ZNF362: variants seen among roughly 807,000 people sequenced by gnomAD.
ZNF362 encodes the protein zinc finger protein 362.
ZNF362 carries 11 observed loss-of-function variants against 42.9 expected under a neutral mutation model. The ratio of observed to expected loss-of-function variants is 0.26; its 90% CI spans 0.16 to 0.42. The LOEUF is 0.42. ZNF362 is among the 20% of genes least tolerant of loss of function. The probability of loss-of-function intolerance (pLI) is 1.00; values close to 1 mark genes in which losing one functional copy is unlikely to be tolerated. For missense variants in ZNF362, 362 were observed against 576.2 expected (o/e 0.63, Z 3.81); for synonymous variants, 255 against 257.3 (o/e 0.99, Z 0.09).
At chr1:33,198,295 C>T in the ZNF362 span, among the ~76,000 whole-genome samples, 1 of 151,892 alleles carries the variant, frequency 6.6e-6, no homozygotes, top group African/African-American at 2.4e-5. Context: ...TATTTGAGCC[C>T]AGTAGTTCAA....
the ZNF362 span, among the ~76,000 whole-genome samples, chr1:33,236,550 A>AAAAAAAAAAAAAAATATAT: frequency 1.7e-4 from 1 of 5,978 alleles, no homozygotes; most frequent in African/African-American, 3.9e-4. Flanking sequence ...AAAAAAAAAA[A>AAAAAAAAAAAAAAATATAT]ATATATATAT....
In ZNF362 at chr1:33,287,504, C is replaced by A. The variant is rs1646041568; in HGVS notation, c.908+5693C>A. 2.6e-5 allele frequency among the ~76,000 whole-genome samples: 4 copies of A among 152,238 alleles called. 1 individual carries two copies. The highest frequency in any genetic ancestry group is 2.6e-4 in the Admixed American group (4 of 15,292). ...CTAAACAAACAAACAACAAACAAACCAACCATTGTTTTGGGAGGAAGTTAA... is the reference window on the plus strand; with the variant it reads ...CTAAACAAACAAACAACAAACAAACAAACCATTGTTTTGGGAGGAAGTTAA... On this transcript the variant is annotated intron_variant, in intron 6 of 8. Transcript: ENST00000539719.
the ZNF362 span, among the ~76,000 whole-genome samples, chr1:33,229,657 GGC>G: frequency 6.6e-6 from 1 of 151,782 alleles, no homozygotes; most frequent in African/African-American, 2.4e-5. Context: ...TGCCTGTCTT[GGC>G]CTCTCAAAGC....
chr1:33,222,930 A>G, the ZNF362 span, among the ~76,000 whole-genome samples: 1 of 152,110 alleles, frequency 6.6e-6, no homozygotes, highest in African/African-American at 2.4e-5. Flanking sequence ...AGAGTGAATA[A>G]GTCTCATGAG....
the ZNF362 span, among the ~76,000 whole-genome samples, chr1:33,197,322 C>T: frequency 5.3e-5 from 8 of 152,272 alleles, no homozygotes; most frequent in South Asian, 2.1e-4. Flanking sequence ...GCCTTGTAAT[C>T]GTGTGAGCCA....
At chr1:33,265,434 G>C (rs1255104275) in intron 1 of ZNF362, among the ~76,000 whole-genome samples, 1 of 152,058 alleles carries the variant, frequency 6.6e-6, no homozygotes, top group African/African-American at 2.4e-5. Flanking sequence ...AATGAAAACA[G>C]CCCTTCCCAG....
At chr1:33,173,477 A>G in the ZNF362 span, among the ~76,000 whole-genome samples, 32 of 152,234 alleles carry the variant, frequency 2.1e-4, no homozygotes, top group Admixed American at 1.2e-3. Flanking sequence ...TCAAGCATTC[A>G]AAGCCCTTCC....
chr1:33,270,620 GC>G lies in ZNF362; in HGVS notation c.38+10del. The G allele has an allele frequency of 6.2e-7, 1 of 1,612,978 alleles. No homozygotes were observed. Among genetic ancestry groups the G allele is most frequent in the Non-Finnish European group, 8.5e-7 (1 of 1,179,542 alleles). On this transcript the variant is annotated intron_variant, in intron 2 of 8. Transcript: ENST00000539719. The stretch of plus-strand genomic sequence containing the variant: ...TGGGAAAGGACACTCTAGGTAAGGA[GC>G]CTGTGATTCCAGGTTGCACTCTGTC...
At position 33,299,676 on chromosome 1, in the gene ZNF362, CGA is replaced by C; in HGVS notation, c.*634_*635del. On this transcript the variant is annotated 3_prime_UTR_variant, in exon 9 of 9. Transcript: ENST00000539719. ...GTGCGGCAGCTTCAGGAGGCAGAAA[CGA>C]GAGGGGTGGGAGATCCACAGGACCA... 1 of 150,988 alleles carries C rather than the reference CGA, an allele frequency of 6.6e-6. No individual in the cohort carries two copies. The allele number at this position is 150,988 out of a possible 1,614,324, so 9.4% of individuals were successfully genotyped here. A position where few individuals can be genotyped will look rare whatever the true frequency, so the allele number is the denominator to read the frequency against.
intron 1 of ZNF362, among the ~76,000 whole-genome samples, chr1:33,263,435 G>C (rs191223833): frequency 1.3e-5 from 2 of 151,162 alleles, no homozygotes; most frequent in Admixed American, 1.3e-4. Flanking sequence ...TTTTGAGATG[G>C]AGTCTCGCTC....
Position 33,295,311 on chromosome 1 carries a change from T to C in ZNF362, c.1146+6T>C, listed in dbSNP as rs1364121913. The stretch of plus-strand genomic sequence containing the variant: ...GTGGGCGGGCCTACACCTCGGTGAG[T>C]GCCGGTCGGCCTGTGCCCTGCCCCG... On this transcript the variant is annotated splice_donor_region_variant and intron_variant, in intron 8 of 8. Transcript: ENST00000539719. The C allele has an allele frequency of 3.7e-6, 6 of 1,613,248 alleles. No individual in the cohort carries two copies. The highest frequency in any genetic ancestry group is 5.1e-6 in the Non-Finnish European group (6 of 1,179,648).
In ZNF362 at chr1:33,298,198, G is replaced by A. The variant is rs1011109360; in HGVS notation, c.1147-732G>A. ...GGTGCCTCAGGTCAGATCCAGCAGA[G>A]CCAGTGGAGGACATGATAGTACCCA... On this transcript the variant is annotated intron_variant, in intron 8 of 8. Coordinates refer to ENST00000539719, the MANE Select transcript of ZNF362 (RefSeq NM_152493.3). Among the ~76,000 whole-genome samples, 7 of 152,126 alleles carry A rather than the reference G, an allele frequency of 4.6e-5. No homozygotes were observed. In the East Asian group the frequency reaches 1.4e-3, roughly 29 times the overall value.
At chr1:33,216,058 G>A in the ZNF362 span, among the ~76,000 whole-genome samples, 1 of 147,694 alleles carries the variant, frequency 6.8e-6, no homozygotes, top group African/African-American at 2.5e-5. Flanking sequence ...TTAACTCTAA[G>A]ACCAGTGCTG....
At chr1:33,230,578 C>T in the ZNF362 span, among the ~76,000 whole-genome samples, 4 of 152,212 alleles carry the variant, frequency 2.6e-5, no homozygotes, top group African/African-American at 9.6e-5. Context: ...TAAGTGTTCG[C>T]ACGTGCAGAC....
intron 6 of ZNF362, among the ~76,000 whole-genome samples, chr1:33,292,478 T>C (rs1161462374): frequency 5.9e-5 from 9 of 152,232 alleles, no homozygotes; most frequent in Non-Finnish European, 1.3e-4. Flanking sequence ...GCCAGTATTG[T>C]ATTGAGGATT....
At chr1:33,193,708 GGATTATA>G in the ZNF362 span, among the ~76,000 whole-genome samples, 300 of 152,228 alleles carry the variant, frequency 2.0e-3, 2 homozygotes, top group Non-Finnish European at 2.9e-3. Flanking sequence ...ACACAAAGGG[GGATTATA>G]GAACAAATAC....
chr1:33,254,131 GT>G (rs1168816102), upstream of ZNF362, among the ~76,000 whole-genome samples: 1,410 of 39,200 alleles, frequency 0.036, 18 homozygotes, highest in African/African-American at 0.067. Flanking sequence ...TAGTTCGTCT[GT>G]TTTTTTTTTT....
upstream of ZNF362, among the ~76,000 whole-genome samples, chr1:33,252,970 T>C (rs1376898230): frequency 6.6e-6 from 1 of 151,796 alleles, no homozygotes; most frequent in Non-Finnish European, 1.5e-5. Context: ...TGCATCGTGA[T>C]GAGTGTGTTG....
chr1:33,276,285 C>A, intron 3 of ZNF362, 63 bp from the exon 4 acceptor site: 1 of 1,546,898 alleles, frequency 6.5e-7, no homozygotes, highest in South Asian at 1.2e-5. Context: ...GGTGGACCAG[C>A]GGGCCTGGGC....
Sources: allele counts gnomAD v4.1 joint callset (sites outside exome capture counted in the v4.1 genomes callset), GRCh38; gene constraint gnomAD v4.1.1; transcripts MANE v1.5; gene names NCBI Gene and HGNC (gene_info 2026-07-23, HGNC 2026-07-21).